Variants in MYCBP2 observed in about 807,000 individuals in gnomAD.
MYCBP2 encodes MYC binding protein 2, also known as E3 ubiquitin-protein ligase MYCBP2.
In MYCBP2, 120 loss-of-function variants were observed where a neutral mutation model predicts 525.3. The ratio of observed to expected loss-of-function variants is 0.23; its 90% CI spans 0.20 to 0.27. The LOEUF is 0.27. Among genes scored for constraint, MYCBP2 ranks in the 10% least tolerant of loss-of-function variants. The pLI, the probability that MYCBP2 is intolerant of heterozygous loss-of-function variation, is 1.00. For missense variants in MYCBP2, 4,149 were observed against 5,657.1 expected (o/e 0.73, Z 8.55); for synonymous variants, 1,894 against 1,955.8 (o/e 0.97, Z 0.83).
intron 76 of MYCBP2, 86 bp from the exon 77 acceptor site, chr13:77,059,712 G>T (rs930631496): frequency 3.3e-5 from 28 of 845,678 alleles, no homozygotes; most frequent in Non-Finnish European, 5.2e-5. Context: ...AGCAAACTAG[G>T]TTTGTATAAG....
chr13:77,285,937 G>A (rs1445225171), intron 3 of MYCBP2, among the ~76,000 whole-genome samples: 1 of 151,820 alleles, frequency 6.6e-6, no homozygotes, highest in East Asian at 2.0e-4. Context: ...AGCTATTAGA[G>A]TAGGTACAGT....
chr13:77,144,704 A>T (rs2055243252), intron 48 of MYCBP2, 144 bp from the exon 49 acceptor site: 4 of 637,212 alleles, frequency 6.3e-6, no homozygotes, highest in Non-Finnish European at 1.1e-5. Flanking sequence ...CCTACTCTCC[A>T]AAATGCTTGA....
At chr13:77,232,631 A>AT (rs2067287038) in intron 18 of MYCBP2, among the ~76,000 whole-genome samples, 2 of 152,194 alleles carry the variant, frequency 1.3e-5, no homozygotes, top group Non-Finnish European at 2.9e-5. Flanking sequence ...GCTTGCACTT[A>AT]TCTCTACTTA....
Position 77,294,104 on chromosome 13 carries a change from CTA to C in MYCBP2, c.378+2493_378+2494del, listed in dbSNP as rs1197370334. ...GATAGCCATAAAGTAGATATAATGG[CTA>C]TATATATATATATATATATATATAC... is the stretch of plus-strand genomic sequence containing the variant. On this transcript the variant is annotated intron_variant, in intron 2 of 82. Transcript: ENST00000544440. Among the ~76,000 whole-genome samples the C allele has an allele frequency of 5.6e-3, 234 of 41,908 alleles. 8 individuals are homozygous for C. Among genetic ancestry groups the C allele is most frequent in the African/African-American group, 0.014 (206 of 14,584 alleles). 27.5% of individuals were successfully genotyped at this position (41,908 alleles called of 152,430 possible).
chr13:77,146,051 A>T (rs2055490331), intron 48 of MYCBP2, 111 bp downstream of exon 48: 4 of 652,370 alleles, frequency 6.1e-6, no homozygotes, highest in Non-Finnish European at 1.0e-5. Flanking sequence ...AACCTAGAAA[A>T]ATGCTATAAA....
At chr13:77,090,639 T>C (rs2045248823) in intron 59 of MYCBP2, 1 of 154,160 alleles carries the variant, frequency 6.5e-6, no homozygotes, top group African/African-American at 2.4e-5. Context: ...TATGTACACA[T>C]GAAAACCTAA....
chr13:77,175,945 A>T (rs2059654299), intron 36 of MYCBP2, among the ~76,000 whole-genome samples: 1 of 151,644 alleles, frequency 6.6e-6, no homozygotes, highest in South Asian at 2.1e-4. Flanking sequence ...CGACAGAGTG[A>T]GACTCCATCT....
intron 56 of MYCBP2, 40 bp from the exon 57 acceptor site, chr13:77,096,521 T>C: frequency 6.2e-7 from 1 of 1,603,190 alleles, no homozygotes; most frequent in Non-Finnish European, 8.5e-7. Flanking sequence ...ACACTCCAAG[T>C]GTCCTTAATA....
chr13:77,313,104 A>C (rs2080473434), intron 1 of MYCBP2, among the ~76,000 whole-genome samples: 1 of 152,054 alleles, frequency 6.6e-6, no homozygotes. Context: ...AATATGTAAG[A>C]AAACACCATA....
chr13:77,326,459 A>AC lies in MYCBP2; in HGVS notation c.302+14dup. 6.5e-7 allele frequency: 1 copy of AC among 1,535,354 alleles called. No homozygotes were observed. The highest frequency in any genetic ancestry group is 8.7e-7 in the Non-Finnish European group (1 of 1,146,500). On this transcript the variant is annotated intron_variant, in intron 1 of 82. Transcript: ENST00000544440. This position sits in a 1 kb window ranked among gnomAD's most constrained non-coding sequence, Gnocchi z 4.2. ...GGCGGCATGGGGCGCAAGGAAGGGCACCCTGGGGACGCACCTGGAGGCTGG... is the reference window on the plus strand; with the variant it reads ...GGCGGCATGGGGCGCAAGGAAGGGCACCCCTGGGGACGCACCTGGAGGCTGG...
At chr13:77,287,222 G>A (rs2076960076) in intron 3 of MYCBP2, among the ~76,000 whole-genome samples, 1 of 140,962 alleles carries the variant, frequency 7.1e-6, no homozygotes, top group African/African-American at 2.7e-5. Context: ...GTCTCACTCT[G>A]TCACCCAGGC....
At chr13:77,061,896 T>C (rs1176383398) in intron 74 of MYCBP2, 106 bp from the exon 75 acceptor site, 2 of 1,181,314 alleles carry the variant, frequency 1.7e-6, no homozygotes, top group East Asian at 5.5e-5. Flanking sequence ...TTCGGAAGTC[T>C]ATTAAGAATT....
At chr13:77,271,620 A>G (rs1219009118) in intron 5 of MYCBP2, among the ~76,000 whole-genome samples, 1 of 152,136 alleles carries the variant, frequency 6.6e-6, no homozygotes, top group Non-Finnish European at 1.5e-5. Context: ...AATAAGCCTC[A>G]CGAGATCTGA....
chr13:77,100,768 C>T (rs973685982), intron 55 of MYCBP2, among the ~76,000 whole-genome samples: 2 of 151,900 alleles, frequency 1.3e-5, no homozygotes, highest in Non-Finnish European at 2.9e-5. Context: ...AATCATTAAC[C>T]TCCTTTATCA....
intron 21 of MYCBP2, among the ~76,000 whole-genome samples, 159 bp from the exon 22 acceptor site, chr13:77,212,319 G>T (rs3752991): frequency 0.027 from 4,047 of 152,052 alleles, 78 homozygotes; most frequent in East Asian, 0.053. Context: ...TAAGAATTTG[G>T]ACCAAATATT....
chr13:77,297,591 G>C (rs1193326798), intron 1 of MYCBP2, among the ~76,000 whole-genome samples: 1 of 152,076 alleles, frequency 6.6e-6, no homozygotes, highest in Non-Finnish European at 1.5e-5. Flanking sequence ...TTTAAGCCTA[G>C]GTCACTTGGA....
At chr13:77,123,957 T>C (rs979411895) in intron 54 of MYCBP2, among the ~76,000 whole-genome samples, 1 of 152,164 alleles carries the variant, frequency 6.6e-6, no homozygotes, top group Non-Finnish European at 1.5e-5. Context: ...AAATGTCTGA[T>C]TTACATCAAG....
At chr13:77,158,603 C>T (rs939811313) in intron 44 of MYCBP2, among the ~76,000 whole-genome samples, 1 of 152,142 alleles carries the variant, frequency 6.6e-6, no homozygotes, top group African/African-American at 2.4e-5. Context: ...GCCACCATGG[C>T]TGGCTAATTT....
chr13:77,186,595 T>C (rs1188053254), intron 30 of MYCBP2, among the ~76,000 whole-genome samples: 4 of 152,072 alleles, frequency 2.6e-5, no homozygotes, highest in Non-Finnish European at 5.9e-5. Context: ...AAGATAAAAA[T>C]TGACTAGAAA....
Sources: gnomAD v4.1 joint callset for allele counts (sites outside exome capture counted in the v4.1 genomes callset) on GRCh38, gnomAD v4.1.1 for gene constraint, Gnocchi (gnomAD v3.1) non-coding constraint, MANE v1.5 for transcripts, NCBI Gene and HGNC (gene_info 2026-07-23, HGNC 2026-07-21) for gene names.